Variants in MIPOL1 observed in about 807,000 individuals in gnomAD.
MIPOL1 encodes mirror-image polydactyly 1.
In MIPOL1, 57 loss-of-function variants were observed where a neutral mutation model predicts 60.9. The observed-to-expected ratio is 0.94, with a 90% CI of 0.76 to 1.17. MIPOL1 has a LOEUF of 1.17. Among genes scored for constraint, MIPOL1 ranks in the 50% most tolerant of loss-of-function variants. The pLI is 0.00. For missense variants in MIPOL1, 551 were observed against 511.6 expected (o/e 1.08, Z -0.74); for synonymous variants, 179 against 168.8 (o/e 1.06, Z -0.47).
intron 9 of MIPOL1, among the ~76,000 whole-genome samples, chr14:37,339,510 G>A (rs2090422027): frequency 1.3e-5 from 2 of 152,134 alleles, no homozygotes; most frequent in Non-Finnish European, 2.9e-5. Context: ...AAGGATGTTT[G>A]TAGGAGCTGA....
rs576705119 is a variant in MIPOL1, at chr14:37,218,164, A to T, written c.-199+20060A>T. 9.9e-5 allele frequency among the ~76,000 whole-genome samples: 15 copies of T among 151,272 alleles called. No individual in the cohort carries two copies. The East Asian group carries it at 2.5e-3, about 26-fold the overall frequency. On this transcript the variant is annotated intron_variant, in intron 1 of 12. Transcript: ENST00000684589. ...GTGGTAAGATAACATAATTTTCATGATTTCATCTTTTTTTAATTATTATTA... is the reference window on the plus strand; with the variant it reads ...GTGGTAAGATAACATAATTTTCATGTTTTCATCTTTTTTTAATTATTATTA...
chr14:37,279,006 T>C (rs909811397), intron 6 of MIPOL1: 1 of 151,748 alleles, frequency 6.6e-6, no homozygotes, highest in East Asian at 1.9e-4. Context: ...AATTATAGGA[T>C]ATTTGATAAC....
chr14:37,412,503 A>T (rs1174103962), intron 10 of MIPOL1, among the ~76,000 whole-genome samples: 3 of 152,152 alleles, frequency 2.0e-5, no homozygotes, highest in Non-Finnish European at 4.4e-5. Context: ...TACAATAAGG[A>T]ACAAGAAACA....
chr14:37,374,802 G>T (rs1230052998), intron 10 of MIPOL1, among the ~76,000 whole-genome samples: 2 of 152,060 alleles, frequency 1.3e-5, no homozygotes, highest in Non-Finnish European at 2.9e-5. Context: ...CGTATAGTTT[G>T]AAGTCAGTTA....
chr14:37,428,674 T>C (rs2094008802), intron 11 of MIPOL1, among the ~76,000 whole-genome samples: 1 of 150,664 alleles, frequency 6.6e-6, no homozygotes, highest in Non-Finnish European at 1.5e-5. Flanking sequence ...TTTTTTTTTT[T>C]TTTTCTGGTT....
intron 9 of MIPOL1, among the ~76,000 whole-genome samples, chr14:37,346,072 G>A (rs1453960651): frequency 6.6e-6 from 1 of 152,156 alleles, no homozygotes; most frequent in Admixed American, 6.5e-5. Flanking sequence ...GCTCACGCCT[G>A]TAATCCCAGC....
intron 9 of MIPOL1, among the ~76,000 whole-genome samples, chr14:37,349,664 C>T (rs997593395): frequency 5.3e-5 from 8 of 152,154 alleles, no homozygotes; most frequent in Non-Finnish European, 1.2e-4. Flanking sequence ...TGTGAAATTG[C>T]AATTTCTTTA....
intron 9 of MIPOL1, among the ~76,000 whole-genome samples, chr14:37,358,658 C>T (rs916078910): frequency 6.6e-6 from 1 of 151,976 alleles, no homozygotes; most frequent in Non-Finnish European, 1.5e-5. Context: ...TCTGTTAATA[C>T]CCTTTGCCCA....
intron 6 of MIPOL1, among the ~76,000 whole-genome samples, chr14:37,271,593 A>G (rs1306986218): frequency 1.3e-5 from 2 of 151,872 alleles, no homozygotes; most frequent in Non-Finnish European, 3.0e-5. Context: ...AAACTACCGT[A>G]ATGTTTTTAT....
At chr14:37,210,094 T>G (rs1048874678) in intron 1 of MIPOL1, among the ~76,000 whole-genome samples, 1 of 152,076 alleles carries the variant, frequency 6.6e-6, no homozygotes, top group East Asian at 1.9e-4. Flanking sequence ...ACGCTCAAAC[T>G]GTGTTTCCCT....
intron 3 of MIPOL1, among the ~76,000 whole-genome samples, chr14:37,249,830 CAA>C (rs1242472391): frequency 6.6e-6 from 1 of 151,398 alleles, no homozygotes; most frequent in Non-Finnish European, 1.5e-5. Flanking sequence ...TAAAAAAAAA[CAA>C]AAAGGAAGCA....
intron 10 of MIPOL1, among the ~76,000 whole-genome samples, chr14:37,397,338 T>G (rs2153526414): frequency 6.7e-6 from 1 of 149,538 alleles, no homozygotes; most frequent in African/African-American, 2.5e-5. Context: ...TCTATAGGTC[T>G]CTCAGTCCTG....
chr14:37,240,385 C>T (rs562496916), intron 1 of MIPOL1: 4 of 152,108 alleles, frequency 2.6e-5, no homozygotes, highest in Non-Finnish European at 4.4e-5. Flanking sequence ...GGCTACTTAT[C>T]ACAGTTGTCA....
intron 10 of MIPOL1, among the ~76,000 whole-genome samples, chr14:37,403,432 C>CTTTTTTT: frequency 1.1e-5 from 1 of 94,118 alleles, no homozygotes; most frequent in Non-Finnish European, 1.9e-5. Context: ...AGGTTTCTAG[C>CTTTTTTT]TTTTTTTTTT....
At chr14:37,458,873 AT>A (rs1490960941) in intron 11 of MIPOL1, among the ~76,000 whole-genome samples, 17 of 151,630 alleles carry the variant, frequency 1.1e-4, no homozygotes, top group Non-Finnish European at 1.5e-5. Flanking sequence ...AAATAAATAA[AT>A]AAATAAATAA....
chr14:37,464,538 C>G (rs1373106206), intron 11 of MIPOL1, among the ~76,000 whole-genome samples: 1 of 152,034 alleles, frequency 6.6e-6, no homozygotes. Flanking sequence ...ACAATGGATA[C>G]ACGTGGAAAT....
At chr14:37,369,798 T>G in intron 10 of MIPOL1, 174 bp downstream of exon 10, 2 of 428,356 alleles carry the variant, frequency 4.7e-6, no homozygotes, top group Non-Finnish European at 8.4e-6. Flanking sequence ...TTATTTTATT[T>G]CACGTATGTG....
intron 11 of MIPOL1, among the ~76,000 whole-genome samples, chr14:37,473,825 C>T (rs2094725126): frequency 6.6e-6 from 1 of 151,756 alleles, no homozygotes; most frequent in Non-Finnish European, 1.5e-5. Flanking sequence ...GTCACATATT[C>T]ATTATTACAG....
chr14:37,206,908 A>G (rs1256199557), intron 1 of MIPOL1, among the ~76,000 whole-genome samples: 1 of 152,220 alleles, frequency 6.6e-6, no homozygotes, highest in Non-Finnish European at 1.5e-5. Context: ...CATTGTATCT[A>G]GGAACTAACT....
Sources: allele counts gnomAD v4.1 joint callset (sites outside exome capture counted in the v4.1 genomes callset), GRCh38; gene constraint gnomAD v4.1.1; transcripts MANE v1.5; gene names NCBI Gene and HGNC (gene_info 2026-07-23, HGNC 2026-07-21).